The following SV2C variants were observed in gnomAD, a reference collection of about 807,000 sequenced individuals.
SV2C encodes the protein solute carrier family 22 member B3.
A neutral mutation model predicts 79.7 loss-of-function variants in SV2C; 49 were observed. The observed-to-expected ratio is 0.61, with a 90% CI of 0.49 to 0.78. SV2C has a LOEUF of 0.78. Among genes scored for constraint, SV2C ranks in the 30% least tolerant of loss-of-function variants. The pLI is 0.00. For synonymous variants in SV2C, 334 were observed against 333.2 expected (o/e 1.00, Z -0.03); for missense variants, 833 against 912.9 (o/e 0.91, Z 1.13).
chr5:75,847,980 A>G, the SV2C span, among the ~76,000 whole-genome samples: 6 of 152,202 alleles, frequency 3.9e-5, no homozygotes, highest in Non-Finnish European at 7.3e-5. Flanking sequence ...GCTTAGCAAA[A>G]TGGGAGATGG....
intron 5 of SV2C, chr5:76,285,515 A>G (rs1747326011): frequency 1.5e-6 from 1 of 665,664 alleles, no homozygotes; most frequent in East Asian, 2.8e-5. Flanking sequence ...TTAAACAAAT[A>G]ACTTGGCTCA....
At chr5:75,989,552 A>T in the SV2C span, among the ~76,000 whole-genome samples, 11 of 151,864 alleles carry the variant, frequency 7.2e-5, no homozygotes, top group African/African-American at 2.4e-4. Context: ...ATTCAGGTTG[A>T]TTCTATGTCT....
At chr5:76,277,765 A>AAC (rs1433769242) in intron 4 of SV2C, among the ~76,000 whole-genome samples, 2 of 152,132 alleles carry the variant, frequency 1.3e-5, no homozygotes, top group Non-Finnish European at 2.9e-5. Context: ...CAAAAAAAAA[A>AAC]AAAACAGATT....
chr5:76,131,581 G>A, intron 1 of SV2C, 69 bp from the exon 2 acceptor site: 1 of 434,212 alleles, frequency 2.3e-6, no homozygotes, highest in South Asian at 6.9e-5. Context: ...AAGAGGTCAA[G>A]AAATAGACGG....
At chr5:75,966,001 T>C in the SV2C span, among the ~76,000 whole-genome samples, 1 of 152,250 alleles carries the variant, frequency 6.6e-6, no homozygotes, top group African/African-American at 2.4e-5. Flanking sequence ...CTTGAGCTTC[T>C]GCACAAAGTA....
At chr5:76,287,577 T>C (rs1747396119) in intron 6 of SV2C, among the ~76,000 whole-genome samples, 1 of 152,122 alleles carries the variant, frequency 6.6e-6, no homozygotes, top group African/African-American at 2.4e-5. Context: ...TCTCTGCAGC[T>C]ACATTCATCC....
intron 12 of SV2C, among the ~76,000 whole-genome samples, chr5:76,313,915 G>A (rs1748538284): frequency 1.3e-5 from 2 of 152,158 alleles, no homozygotes; most frequent in Non-Finnish European, 2.9e-5. Flanking sequence ...GATCTTTAAA[G>A]CACTAAGTAA....
intron 1 of SV2C, among the ~76,000 whole-genome samples, chr5:76,131,343 T>A (rs1748882397): frequency 6.6e-6 from 1 of 152,200 alleles, no homozygotes. Context: ...CTTTTAAAGA[T>A]GCAAGATGCT....
intron 4 of SV2C, among the ~76,000 whole-genome samples, chr5:76,284,234 G>A (rs1747278119): frequency 6.6e-6 from 1 of 151,602 alleles, no homozygotes; most frequent in South Asian, 2.1e-4. Flanking sequence ...TTCTTGAAAG[G>A]ATTTCTGTTT....
chr5:76,141,975 T>G (rs1259530524), intron 2 of SV2C, among the ~76,000 whole-genome samples: 8 of 152,164 alleles, frequency 5.3e-5, no homozygotes, highest in African/African-American at 4.8e-5. Flanking sequence ...AGTATGCAGT[T>G]GCACCCTTTC....
chr5:76,294,371 G>A (rs932714279), intron 8 of SV2C, among the ~76,000 whole-genome samples: 12 of 141,090 alleles, frequency 8.5e-5, no homozygotes, highest in African/African-American at 2.3e-4. Flanking sequence ...GCACGATATC[G>A]GCTCGCTGCA....
At chr5:76,048,979 G>GAAAGAAAGAAAGA in the SV2C span, among the ~76,000 whole-genome samples, 2 of 72,332 alleles carry the variant, frequency 2.8e-5, no homozygotes, top group African/African-American at 9.7e-5. Flanking sequence ...AAGAAAGAAA[G>GAAAGAAAGAAAGA]AAAGAAAGAA....
At chr5:76,044,398 T>A in the SV2C span, among the ~76,000 whole-genome samples, 1 of 152,218 alleles carries the variant, frequency 6.6e-6, no homozygotes. Context: ...TATGGTAGAA[T>A]GATTTATATT....
the SV2C span, among the ~76,000 whole-genome samples, chr5:75,847,815 G>C: frequency 6.6e-6 from 1 of 152,268 alleles, no homozygotes; most frequent in South Asian, 2.1e-4. Context: ...AAAAGGAAAT[G>C]AGAAGTAGTG....
chr5:75,880,166 T>C, the SV2C span, among the ~76,000 whole-genome samples: 1 of 146,532 alleles, frequency 6.8e-6, no homozygotes, highest in African/African-American at 2.7e-5. Flanking sequence ...CTCAGAGATA[T>C]CTGAAAAAAT....
At chr5:75,850,297 ACACACCG>A in the SV2C span, among the ~76,000 whole-genome samples, 1 of 152,180 alleles carries the variant, frequency 6.6e-6, no homozygotes, top group South Asian at 2.1e-4. Flanking sequence ...AAATGTATAC[ACACACCG>A]TTCCCGTGAT....
At chr5:75,947,535 A>C in the SV2C span, among the ~76,000 whole-genome samples, 1 of 151,812 alleles carries the variant, frequency 6.6e-6, no homozygotes, top group African/African-American at 2.4e-5. Context: ...TCTTCTACTC[A>C]GGCTTTGCTG....
At chr5:76,137,953 T>G (rs1370460463) in intron 2 of SV2C, among the ~76,000 whole-genome samples, 1 of 152,168 alleles carries the variant, frequency 6.6e-6, no homozygotes. Context: ...CAAAAAAATT[T>G]TAATATCTTA....
the SV2C span, among the ~76,000 whole-genome samples, chr5:75,926,743 A>G: frequency 6.6e-6 from 1 of 152,236 alleles, no homozygotes; most frequent in African/African-American, 2.4e-5. Flanking sequence ...GCATGTATGC[A>G]CAGCCACACA....
Sources: allele counts gnomAD v4.1 joint callset (sites outside exome capture counted in the v4.1 genomes callset), GRCh38; gene constraint gnomAD v4.1.1; transcripts MANE v1.5; gene names NCBI Gene and HGNC (gene_info 2026-07-23, HGNC 2026-07-21).